MCUB: variants seen among roughly 807,000 people sequenced by gnomAD.
MCUB encodes the protein mitochondrial calcium uniporter dominant negative subunit beta, also known as calcium uniporter regulatory subunit MCUb, mitochondrial.
A neutral mutation model predicts 41.4 loss-of-function variants in MCUB; 46 were observed. The ratio of observed to expected loss-of-function variants is 1.11; its 90% CI spans 0.88 to 1.42. The LOEUF (loss-of-function observed/expected upper bound fraction) is 1.42, where lower values mean the gene tolerates loss of function less well. MCUB is among the 40% of genes most tolerant of loss of function. The pLI is 0.00. For synonymous variants in MCUB, 148 were observed against 148.2 expected, an observed-to-expected ratio of 1.00 and a Z score of 0.01; for missense variants, 403 against 404.9, an observed-to-expected ratio of 1.00 and a Z score of 0.04.
intron 1 of MCUB, among the ~76,000 whole-genome samples, chr4:109,616,191 A>G (rs1561228734): frequency 6.6e-6 from 1 of 152,174 alleles, no homozygotes; most frequent in African/African-American, 2.4e-5. Flanking sequence ...TTTAGTGCAT[A>G]TTTCTAGATT....
chr4:109,682,087 G>A (rs1460292227), intron 4 of MCUB, among the ~76,000 whole-genome samples: 2 of 151,936 alleles, frequency 1.3e-5, no homozygotes, highest in Admixed American at 6.6e-5. Context: ...GGTTGGGTGT[G>A]AGCCAAGTTG....
At chr4:109,670,606 C>T (rs899033013) in intron 4 of MCUB, among the ~76,000 whole-genome samples, 2 of 151,758 alleles carry the variant, frequency 1.3e-5, no homozygotes, top group Non-Finnish European at 2.9e-5. Context: ...ATCACAGGTA[C>T]TCGGGAGGCT....
At position 109,634,454 on chromosome 4, in the gene MCUB, G is replaced by A. The variant is rs567432908; in HGVS notation, c.100-24557G>A. ...GCTGAGATTGCGCCACTGCACTCCA[G>A]CCTGGGCAACAAGAGCGAAACTCTG... is the stretch of plus-strand genomic sequence containing the variant. On this transcript the variant is annotated intron_variant, in intron 1 of 7. Transcript: ENST00000394650. 3.4e-4 allele frequency among the ~76,000 whole-genome samples: 49 copies of A among 146,104 alleles called. No individual in the cohort carries two copies. The South Asian group carries it at 8.6e-3, about 26-fold the overall frequency.
chr4:109,612,341 G>A (rs1234123023), intron 1 of MCUB, among the ~76,000 whole-genome samples: 9 of 144,114 alleles, frequency 6.2e-5, no homozygotes, highest in Non-Finnish European at 1.2e-4. Flanking sequence ...ATCCCGGCTC[G>A]CTGCAACCAC....
chr4:109,657,806 G>A (rs1305112491), intron 1 of MCUB, among the ~76,000 whole-genome samples: 3 of 152,220 alleles, frequency 2.0e-5, no homozygotes, highest in Non-Finnish European at 4.4e-5. Flanking sequence ...ATGTTCCGTG[G>A]TGAGGTGGCC....
chr4:109,578,742 G>A (rs1159967290), intron 1 of MCUB, among the ~76,000 whole-genome samples: 1 of 152,154 alleles, frequency 6.6e-6, no homozygotes, highest in African/African-American at 2.4e-5. Context: ...CCTGGCGCAA[G>A]TGCTTCTCCT....
intron 1 of MCUB, among the ~76,000 whole-genome samples, chr4:109,658,563 C>A (rs1254063105): frequency 6.6e-6 from 1 of 152,174 alleles, no homozygotes; most frequent in Non-Finnish European, 1.5e-5. Context: ...TCCCAAAGTC[C>A]TGGAATTACA....
chr4:109,684,578 C>G lies in MCUB; in HGVS notation c.748C>G (p.Pro250Ala). The G allele has an allele frequency of 6.2e-7, 1 of 1,602,764 alleles. No individual in the cohort carries two copies. The highest frequency in any genetic ancestry group is 8.5e-7 in the Non-Finnish European group (1 of 1,169,784). ...GGTGTACTCCTGGGATATCATGGAGCCAGTTACATACTTCATCACATTTGC... is the reference window on the plus strand; with the variant it reads ...GGTGTACTCCTGGGATATCATGGAGGCAGTTACATACTTCATCACATTTGC... Reference protein sequence around the residue: ...WWVYSWDIMEPVTYFITFANS... With the variant: ...WWVYSWDIMEAVTYFITFANS... Residue 250 changes from proline (P) to alanine (A), a missense_variant, in exon 6 of 8, where the codon CCA becomes GCA. Pro to Ala is a conservative substitution (Grantham distance 27, BLOSUM62 -1). Coordinates refer to ENST00000394650, the MANE Select transcript of MCUB (RefSeq NM_017918.5).
At chr4:109,564,013 A>G (rs915519052) in intron 1 of MCUB, among the ~76,000 whole-genome samples, 1 of 152,238 alleles carries the variant, frequency 6.6e-6, no homozygotes, top group African/African-American at 2.4e-5. Context: ...CCAGTCTTCA[A>G]GATTTTCCTC....
chr4:109,658,966 C>G (rs1055540256), intron 1 of MCUB, 45 bp from the exon 2 acceptor site: 1 of 1,003,850 alleles, frequency 1.0e-6, no homozygotes, highest in African/African-American at 1.6e-5. Context: ...TTTCATCTTT[C>G]CCACTCTTTT....
intron 1 of MCUB, among the ~76,000 whole-genome samples, chr4:109,581,620 C>T (rs1445379166): frequency 7.2e-5 from 11 of 152,070 alleles, no homozygotes; most frequent in Non-Finnish European, 1.3e-4. Context: ...AGAAAATTTT[C>T]GCAACCTACT....
chr4:109,614,659 A>G (rs1456884717), intron 1 of MCUB, among the ~76,000 whole-genome samples: 2 of 149,232 alleles, frequency 1.3e-5, no homozygotes, highest in African/African-American at 5.0e-5. Context: ...TGAGACCCCC[A>G]GGGACTCAAG....
intron 1 of MCUB, among the ~76,000 whole-genome samples, chr4:109,594,892 T>C (rs1386061347): frequency 6.6e-6 from 1 of 150,942 alleles, no homozygotes; most frequent in Non-Finnish European, 1.5e-5. Context: ...GAGAGAAGAC[T>C]CACCAGGGAA....
Position 109,596,670 on chromosome 4 carries a change from C to T in MCUB, c.99+36234C>T, listed in dbSNP as rs560502971. On this transcript the variant is annotated intron_variant, in intron 1 of 7. Coordinates refer to ENST00000394650, the MANE Select transcript of MCUB (RefSeq NM_017918.5). ...TTCCTCTCTTCCCTTGACTCGGTGC[C>T]TCACAAAGCCTTAGGAAAAGACACA... Among the ~76,000 whole-genome samples the T allele has an allele frequency of 3.9e-5, 6 of 152,094 alleles. No individual in the cohort carries two copies. The South Asian group carries it at 1.0e-3, about 26-fold the overall frequency.
At chr4:109,579,325 C>G (rs1292982776) in intron 1 of MCUB, among the ~76,000 whole-genome samples, 1 of 151,952 alleles carries the variant, frequency 6.6e-6, no homozygotes, top group African/African-American at 2.4e-5. Context: ...TCTCAGTTCA[C>G]TGCAACCTCC....
At chr4:109,632,407 G>C (rs1728493076) in intron 1 of MCUB, among the ~76,000 whole-genome samples, 1 of 152,026 alleles carries the variant, frequency 6.6e-6, no homozygotes, top group Non-Finnish European at 1.5e-5. Context: ...ACCATTTATT[G>C]TTGCATAACA....
Position 109,684,438 on chromosome 4 carries a change from C to T in MCUB, c.613-5C>T. Reference sequence around the variant, plus strand: ...CAGAATTAACAGTTTTTCATTCCCCCTCAGGTGAAAGCTGGAATAGAAGCT... The same window carrying T: ...CAGAATTAACAGTTTTTCATTCCCCTTCAGGTGAAAGCTGGAATAGAAGCT... On this transcript the variant is annotated splice_region_variant and splice_polypyrimidine_tract_variant and intron_variant, in intron 5 of 7. Coordinates refer to ENST00000394650, the MANE Select transcript of MCUB (RefSeq NM_017918.5). The T allele has an allele frequency of 6.2e-7, 1 of 1,601,350 alleles. No individual in the cohort carries two copies.
At chr4:109,671,092 T>G (rs1186550177) in intron 4 of MCUB, among the ~76,000 whole-genome samples, 1 of 152,266 alleles carries the variant, frequency 6.6e-6, no homozygotes, top group Non-Finnish European at 1.5e-5. Context: ...TAACCTTAGT[T>G]TTCTTATGCA....
At chr4:109,598,377 G>C (rs924300004) in intron 1 of MCUB, among the ~76,000 whole-genome samples, 2 of 152,172 alleles carry the variant, frequency 1.3e-5, no homozygotes, top group African/African-American at 2.4e-5. Context: ...CGGATCACTC[G>C]CGGTTAGGAG....
Sources: gnomAD v4.1 joint callset for allele counts (sites outside exome capture counted in the v4.1 genomes callset) on GRCh38, gnomAD v4.1.1 for gene constraint, MANE v1.5 for transcripts, NCBI Gene and HGNC (gene_info 2026-07-23, HGNC 2026-07-21) for gene names.